The following VPS13C variants were observed in gnomAD, a reference collection of about 807,000 sequenced individuals.
The protein encoded by VPS13C is intermembrane lipid transfer protein VPS13C.
Under a neutral mutation model 456.8 loss-of-function variants are expected in VPS13C, and 358 were observed. The ratio of observed to expected loss-of-function variants is 0.78; its 90% CI spans 0.72 to 0.86. The LOEUF (loss-of-function observed/expected upper bound fraction) is 0.86, where lower values mean the gene tolerates loss of function less well. Among genes scored for constraint, VPS13C ranks in the 40% least tolerant of loss-of-function variants. The pLI, the probability that VPS13C is intolerant of heterozygous loss-of-function variation, is 0.00. For synonymous variants in VPS13C, 1,578 were observed against 1,486.7 expected, an observed-to-expected ratio of 1.06 and a Z score of -1.41; for missense variants, 4,818 against 4,385.4, an observed-to-expected ratio of 1.10 and a Z score of -2.79.
At position 61,989,099 on chromosome 15, in the gene VPS13C, A is replaced by C. The variant is rs187095025; in HGVS notation, c.1578+1901T>G. ...AGCCATCAAAAGATATTATTAATGA[A>C]TGAAAATGGGGATGGGAGTGGTGGC... On this transcript the variant is annotated intron_variant, in intron 18 of 84. Coordinates refer to ENST00000644861, the MANE Select transcript of VPS13C (RefSeq NM_020821.3). Among the ~76,000 whole-genome samples the C allele has an allele frequency of 2.6e-5, 4 of 151,498 alleles. No homozygotes were observed. In the East Asian group the frequency reaches 7.7e-4, roughly 29 times the overall value.
chr15:62,039,548 A>C (rs2048174158), intron 3 of VPS13C, among the ~76,000 whole-genome samples: 1 of 152,174 alleles, frequency 6.6e-6, no homozygotes, highest in Non-Finnish European at 1.5e-5. Flanking sequence ...AATGAGCAAA[A>C]GATCTGAATA....
chr15:61,908,925 C>T, intron 65 of VPS13C, 67 bp downstream of exon 65: 1 of 1,541,416 alleles, frequency 6.5e-7, no homozygotes, highest in Non-Finnish European at 8.8e-7. Flanking sequence ...AATATGAAAC[C>T]AAAGTGTTTC....
intron 32 of VPS13C, among the ~76,000 whole-genome samples, chr15:61,963,402 T>C (rs1447047803): frequency 6.6e-6 from 1 of 152,020 alleles, no homozygotes; most frequent in Non-Finnish European, 1.5e-5. Context: ...TTGTCACCAT[T>C]ATAAGATTGC....
In VPS13C at chr15:61,923,861, C is replaced by CTTT. The variant is rs1188960583; in HGVS notation, c.6610-1102_6610-1100dup. Among the ~76,000 whole-genome samples, 202 of 75,136 alleles carry CTTT rather than the reference C, an allele frequency of 2.7e-3. 35 individuals are homozygous for CTTT. Among genetic ancestry groups the CTTT allele is most frequent in the East Asian group, 0.026 (64 of 2,476 alleles). 49.3% of individuals were successfully genotyped at this position (75,136 alleles called of 152,430 possible). On this transcript the variant is annotated intron_variant, in intron 53 of 84. Transcript: ENST00000644861. ...GCCATATGTGACCACCCCTCTAAATCTTTTTTTTTTTTTTTTTTTTTTGAG... is the reference window on the plus strand; with the variant it reads ...GCCATATGTGACCACCCCTCTAAATCTTTTTTTTTTTTTTTTTTTTTTTTTGAG...
intron 61 of VPS13C, 73 bp downstream of exon 61, chr15:61,915,560 G>A: frequency 7.0e-7 from 1 of 1,436,634 alleles, no homozygotes; most frequent in South Asian, 1.5e-5. Context: ...TGGTTTTAGG[G>A]AAGACAAATG....
intron 44 of VPS13C, among the ~76,000 whole-genome samples, 181 bp downstream of exon 44, chr15:61,946,126 T>C (rs1191614556): frequency 6.6e-6 from 1 of 152,154 alleles, no homozygotes; most frequent in Non-Finnish European, 1.5e-5. Context: ...CAAATCACTG[T>C]GTATCAAGAG....
chr15:61,919,946 T>G, intron 57 of VPS13C, 121 bp downstream of exon 57: 2 of 981,422 alleles, frequency 2.0e-6, no homozygotes, highest in Admixed American at 2.9e-5. Flanking sequence ...GGTTAGCAAT[T>G]ATATGTTTCA....
intron 9 of VPS13C, among the ~76,000 whole-genome samples, chr15:62,015,030 T>A (rs1200364426): frequency 6.6e-6 from 1 of 152,088 alleles, no homozygotes; most frequent in East Asian, 1.9e-4. Flanking sequence ...AAACTACCCA[T>A]TCTTATGCAA....
At chr15:61,986,211 A>C (rs1479477893) in intron 18 of VPS13C, among the ~76,000 whole-genome samples, 1 of 151,802 alleles carries the variant, frequency 6.6e-6, no homozygotes, top group African/African-American at 2.4e-5. Flanking sequence ...AAATAGATTC[A>C]CAGGCGCTCT....
intron 27 of VPS13C, among the ~76,000 whole-genome samples, chr15:61,972,379 A>C (rs2045579884): frequency 6.6e-6 from 1 of 152,206 alleles, no homozygotes; most frequent in Non-Finnish European, 1.5e-5. Context: ...GCTCTTCCAG[A>C]ATAAATTAGA....
intron 32 of VPS13C, 135 bp from the exon 33 acceptor site, chr15:61,962,987 T>TG: frequency 1.9e-6 from 1 of 540,048 alleles, no homozygotes; most frequent in Non-Finnish European, 3.1e-6. Flanking sequence ...ATAAATAAGT[T>TG]GCAATATTAG....
rs1465310650 is a variant in VPS13C, at chr15:61,991,734, A to G, written c.1422T>C (p.Phe474=). ...ACTCTTTCTTACCCCACAACCCACT[A>G]AACCAGCCTCCACGTTTCTCGCCTG... The part of the protein sequence containing the change: ...ADTGEKRGGW[F]SGLWGKKESK... The change falls in exon 17 of 85, where the codon TTT becomes TTC. Residue 474 remains phenylalanine (F), a synonymous_variant. Transcript: ENST00000644861. The G allele has an allele frequency of 6.2e-7, 1 of 1,613,694 alleles. No individual in the cohort carries two copies. The highest frequency in any genetic ancestry group is 1.3e-5 in the African/African-American group (1 of 75,014).
chr15:61,917,654 G>C lies in VPS13C; in HGVS notation c.7761-19C>G, dbSNP rs751956597. On this transcript the variant is annotated intron_variant, in intron 59 of 84. Coordinates refer to ENST00000644861, the MANE Select transcript of VPS13C (RefSeq NM_020821.3). ...TTGACATCTGCAGAAAGAGGAAACA[G>C]TGACAATAAAGTTTTGATCCACAAC... 11 of 1,600,926 alleles carry C rather than the reference G, an allele frequency of 6.9e-6. No homozygotes were observed. Among genetic ancestry groups the C allele is most frequent in the Non-Finnish European group, 7.7e-6 (9 of 1,171,380 alleles).
At chr15:62,008,572 CT>C (rs914034148) in intron 14 of VPS13C, 82 bp downstream of exon 14, 53 of 852,746 alleles carry the variant, frequency 6.2e-5, no homozygotes, top group Non-Finnish European at 8.3e-5. Flanking sequence ...AATTACTTGG[CT>C]TTTAAAGGTT....
chr15:61,881,775 G>A lies in VPS13C; in HGVS notation c.9678C>T (p.Ala3226=). ...AMFPVVFHPV[A]PPKSIALDSE... is the part of the protein sequence containing the mutation. ...AATCTAAAGCAATAGATTTTGGAGG[G>A]GCAACAGGATGAAATACAACAGGGA... Residue 3226 remains alanine, a synonymous_variant, in exon 70 of 85, where the codon GCC becomes GCT. Coordinates refer to ENST00000644861, the MANE Select transcript of VPS13C (RefSeq NM_020821.3). 2 of 1,608,434 alleles carry A rather than the reference G, an allele frequency of 1.2e-6. No homozygotes were observed. The highest frequency in any genetic ancestry group is 1.7e-6 in the Non-Finnish European group (2 of 1,178,462).
Position 61,920,331 on chromosome 15 carries a change from C to A in VPS13C, c.7213G>T (p.Gly2405Cys), listed in dbSNP as rs1181074428. 2 of 1,588,592 alleles carry A rather than the reference C, an allele frequency of 1.3e-6. No homozygotes were observed. The highest frequency in any genetic ancestry group is 1.4e-5 in the African/African-American group (1 of 73,936). Residue 2405 changes from glycine (G) to cysteine (C), a missense_variant and splice_region_variant, in exon 57 of 85, where the codon GGT becomes TGT. Coordinates refer to ENST00000644861, the MANE Select transcript of VPS13C (RefSeq NM_020821.3). The stretch of plus-strand genomic sequence containing the variant: ...GTAGAAGCAGTGCCCTCTGAAAAAC[C>A]CTGAAAAGGAACATATCATCACAGT... ...CLNVFNNLAK[G>C]FSEGTASTFD... is the part of the protein sequence containing the mutation.
At chr15:61,970,405 G>A (rs1034460129) in intron 27 of VPS13C, among the ~76,000 whole-genome samples, 3 of 152,078 alleles carry the variant, frequency 2.0e-5, no homozygotes, top group African/African-American at 7.2e-5. Flanking sequence ...TTGATAGGCA[G>A]CAATAATAAC....
intron 6 of VPS13C, among the ~76,000 whole-genome samples, chr15:62,027,961 T>G (rs569428281): frequency 1.3e-5 from 2 of 152,054 alleles, no homozygotes; most frequent in Non-Finnish European, 2.9e-5. Context: ...AATTCCACTT[T>G]ATTGCTTTTT....
chr15:61,959,079 A>G (rs893086464), intron 36 of VPS13C, among the ~76,000 whole-genome samples: 2 of 152,046 alleles, frequency 1.3e-5, no homozygotes, highest in East Asian at 3.9e-4. Flanking sequence ...ATTCCAATGA[A>G]ATAAAATGGT....
Sources: gnomAD v4.1 joint callset for allele counts (sites outside exome capture counted in the v4.1 genomes callset) on GRCh38, gnomAD v4.1.1 for gene constraint, MANE v1.5 for transcripts, NCBI Gene and HGNC (gene_info 2026-07-23, HGNC 2026-07-21) for gene names.